NAF1: variants seen among roughly 807,000 people sequenced by gnomAD.
The protein encoded by NAF1 is nuclear assembly factor 1 ribonucleoprotein, also known as H/ACA ribonucleoprotein complex non-core subunit NAF1.
A neutral mutation model predicts 40.6 loss-of-function variants in NAF1; 11 were observed. The ratio of observed to expected loss-of-function variants is 0.27; its 90% CI spans 0.17 to 0.45. The LOEUF is 0.45. NAF1 is among the 20% of genes least tolerant of loss of function. The probability of loss-of-function intolerance (pLI) is 1.00; values close to 1 mark genes in which losing one functional copy is unlikely to be tolerated. For missense variants in NAF1, 607 were observed against 611.1 expected (o/e 0.99, Z 0.07); for synonymous variants, 260 against 228.5 (o/e 1.14, Z -1.24).
intron 2 of NAF1, among the ~76,000 whole-genome samples, chr4:163,113,207 G>A (rs1317356814): frequency 6.6e-6 from 1 of 152,090 alleles, no homozygotes; most frequent in Non-Finnish European, 1.5e-5. Flanking sequence ...CAGAATATAA[G>A]TGTACAGCTC....
At chr4:163,134,607 A>G (rs757765397) in intron 6 of NAF1, among the ~76,000 whole-genome samples, 14 of 152,202 alleles carry the variant, frequency 9.2e-5, no homozygotes, top group Non-Finnish European at 1.3e-4. Flanking sequence ...ATGCTATGTT[A>G]TTATAGTGCT....
chr4:163,150,223 G>GT (rs1250159131), intron 2 of NAF1, among the ~76,000 whole-genome samples: 3 of 152,026 alleles, frequency 2.0e-5, no homozygotes, highest in African/African-American at 4.8e-5. Context: ...AACTGATACT[G>GT]TTTTGCTTTT....
chr4:163,139,969 C>T (rs916645854), intron 5 of NAF1, among the ~76,000 whole-genome samples: 1 of 152,076 alleles, frequency 6.6e-6, no homozygotes, highest in African/African-American at 2.4e-5. Context: ...GGAAAAAACA[C>T]TGAACTAGAA....
chr4:163,158,013 T>C (rs1732058755), intron 2 of NAF1, among the ~76,000 whole-genome samples: 1 of 152,100 alleles, frequency 6.6e-6, no homozygotes, highest in Non-Finnish European at 1.5e-5. Context: ...AGTAAAATTA[T>C]ATAAAGAACT....
intron 2 of NAF1, among the ~76,000 whole-genome samples, chr4:163,162,982 T>C (rs1164217640): frequency 1.3e-5 from 2 of 152,168 alleles, no homozygotes; most frequent in Admixed American, 1.3e-4. Flanking sequence ...TTGGAAGAAA[T>C]TCCCAAGGTA....
downstream of NAF1, among the ~76,000 whole-genome samples, chr4:163,109,480 T>C (rs769755120): frequency 7.2e-5 from 11 of 152,154 alleles, no homozygotes; most frequent in Non-Finnish European, 1.3e-4. Context: ...TTACACTCCA[T>C]TTATTAAAAA....
Position 163,114,943 on chromosome 4 carries a change from A to G in NAF1, c.115-4653T>C, listed in dbSNP as rs1363645843. On this transcript the variant is annotated intron_variant, in intron 2 of 2. Transcript: ENST00000509434. ...TTTATTCCTTTTTGTATCCATTTTCATAAGTTTTTCTAGAAATTTGACTAT... is the reference window on the plus strand; with the variant it reads ...TTTATTCCTTTTTGTATCCATTTTCGTAAGTTTTTCTAGAAATTTGACTAT... Among the ~76,000 whole-genome samples the G allele has an allele frequency of 3.3e-5, 5 of 152,064 alleles. No individual in the cohort carries two copies. The South Asian group carries it at 8.3e-4, about 25-fold the overall frequency.
At chr4:163,153,148 T>C (rs1731797918) in intron 2 of NAF1, among the ~76,000 whole-genome samples, 2 of 152,180 alleles carry the variant, frequency 1.3e-5, no homozygotes, top group Non-Finnish European at 2.9e-5. Flanking sequence ...TGGGTTCCTG[T>C]GCAGCCCGAG....
chr4:163,127,233 A>C, downstream of NAF1: 1 of 1,328,110 alleles, frequency 7.5e-7, no homozygotes, highest in Non-Finnish European at 9.8e-7. Flanking sequence ...AGGTTCAAAT[A>C]ATTCTCCTGC....
At chr4:163,109,384 A>T (rs1730103423), downstream of NAF1, among the ~76,000 whole-genome samples, 1 of 152,100 alleles carries the variant, frequency 6.6e-6, no homozygotes, top group Non-Finnish European at 1.5e-5. Flanking sequence ...TTAAAAACTA[A>T]TATTATCTAC....
chr4:163,132,220 T>C (rs1385809193), intron 7 of NAF1, among the ~76,000 whole-genome samples: 1 of 152,238 alleles, frequency 6.6e-6, no homozygotes, highest in Non-Finnish European at 1.5e-5. Flanking sequence ...TCTTGGGCAT[T>C]TATTCCAGAA....
chr4:163,161,276 A>G lies in NAF1; in HGVS notation c.540+2941T>C, dbSNP rs1400100272. Among the ~76,000 whole-genome samples, 4 of 152,108 alleles carry G rather than the reference A, an allele frequency of 2.6e-5. No homozygotes were observed. In the East Asian group the frequency reaches 7.7e-4, roughly 29 times the overall value. On this transcript the variant is annotated intron_variant, in intron 2 of 7. Coordinates refer to ENST00000274054, the MANE Select transcript of NAF1 (RefSeq NM_138386.3). ...TCACCTGAGGTAAGAAGTTTGAGAC[A>G]AGCCTGGCCAACATGGCAAAACCCT...
intron 2 of NAF1, among the ~76,000 whole-genome samples, chr4:163,159,860 A>C (rs1732147970): frequency 6.6e-6 from 1 of 152,186 alleles, no homozygotes; most frequent in South Asian, 2.1e-4. Flanking sequence ...TTATCTCCAT[A>C]AACATTGTGC....
At position 163,166,492 on chromosome 4, in the gene NAF1, G is replaced by A. The variant is rs998841317; in HGVS notation, c.236C>T (p.Pro79Leu). Residue 79 changes from proline (P) to leucine (L), a missense_variant, in exon 1 of 8, where the codon CCG (proline) becomes CTG (leucine). Transcript: ENST00000274054. The part of the protein sequence containing the change: ...PVLNAVAAGT[P>L]APQPQPPAES... ...AGCCGGTGGCTGTGGCTGCGGCGCC[G>A]GGGTCCCGGCCGCGACGGCGTTCAG... 1 of 1,598,638 alleles carries A rather than the reference G, an allele frequency of 6.3e-7. No homozygotes were observed. Among genetic ancestry groups the A allele is most frequent in the Admixed American group, 1.7e-5 (1 of 58,192 alleles).
At chr4:163,158,604 CATT>C (rs981060405) in intron 2 of NAF1, among the ~76,000 whole-genome samples, 1 of 151,370 alleles carries the variant, frequency 6.6e-6, no homozygotes, top group African/African-American at 2.4e-5. Context: ...TAAATGAATA[CATT>C]ATTATCCTGT....
chr4:163,131,924 C>T (rs925825587), intron 7 of NAF1, among the ~76,000 whole-genome samples: 8 of 152,188 alleles, frequency 5.3e-5, no homozygotes, highest in Admixed American at 1.3e-4. Flanking sequence ...ACTGACATAT[C>T]ACTGAAGATA....
intron 7 of NAF1, among the ~76,000 whole-genome samples, chr4:163,131,492 G>C (rs1397306846): frequency 6.6e-6 from 1 of 152,120 alleles, no homozygotes; most frequent in Admixed American, 6.5e-5. Flanking sequence ...AAAGGACCTA[G>C]AATACCGATT....
At chr4:163,147,187 C>A (rs1200621420) in intron 3 of NAF1, among the ~76,000 whole-genome samples, 1 of 151,938 alleles carries the variant, frequency 6.6e-6, no homozygotes, top group Non-Finnish European at 1.5e-5. Flanking sequence ...TATTAATAAA[C>A]TGAAAAAGTA....
intron 2 of NAF1, among the ~76,000 whole-genome samples, chr4:163,112,552 C>T (rs541324014): frequency 3.7e-4 from 56 of 152,284 alleles, no homozygotes; most frequent in African/African-American, 1.3e-3. Context: ...AGCCTTTATG[C>T]TGCCCTCAAC....
Sources: allele counts gnomAD v4.1 joint callset (sites outside exome capture counted in the v4.1 genomes callset), GRCh38; gene constraint gnomAD v4.1.1; transcripts MANE v1.5; gene names NCBI Gene and HGNC (gene_info 2026-07-23, HGNC 2026-07-21).